Variants in DNM3 observed in about 807,000 individuals in gnomAD.
DNM3 encodes the protein dynamin 3.
A neutral mutation model predicts 101.6 loss-of-function variants in DNM3; 47 were observed. That is an observed-to-expected ratio of 0.46 (90% confidence interval 0.37 to 0.59). The LOEUF is 0.59. DNM3 is among the 20% of genes least tolerant of loss of function. DNM3 has a pLI of 0.00. For missense variants in DNM3, 849 were observed against 1,085.7 expected (o/e 0.78, Z 3.06); for synonymous variants, 385 against 387.9 (o/e 0.99, Z 0.09).
intron 14 of DNM3, among the ~76,000 whole-genome samples, chr1:172,239,942 G>T (rs2061689531): frequency 1.3e-5 from 2 of 151,574 alleles, no homozygotes; most frequent in African/African-American, 4.8e-5. Flanking sequence ...GCCAGTAGTG[G>T]TGCACAGACC....
chr1:172,010,027 A>G (rs1252587963), intron 4 of DNM3, among the ~76,000 whole-genome samples: 2 of 151,830 alleles, frequency 1.3e-5, no homozygotes, highest in African/African-American at 2.4e-5. Flanking sequence ...GAAACTTTCA[A>G]TCTCTGCCTT....
chr1:172,193,824 T>A (rs145221923), intron 14 of DNM3, among the ~76,000 whole-genome samples: 1,578 of 152,274 alleles, frequency 0.01, 16 homozygotes, highest in African/African-American at 0.036. Context: ...CCTGGATTCA[T>A]TGATTTTTTG....
intron 1 of DNM3, among the ~76,000 whole-genome samples, chr1:171,885,366 C>T (rs1336189667): frequency 6.6e-6 from 1 of 152,044 alleles, no homozygotes; most frequent in African/African-American, 2.4e-5. Flanking sequence ...TTATGTTGTA[C>T]TTTTATTTTT....
At chr1:172,377,546 TATATATC>T in intron 17 of DNM3, among the ~76,000 whole-genome samples, 1 of 89,440 alleles carries the variant, frequency 1.1e-5, no homozygotes, top group African/African-American at 4.1e-5. Context: ...CTCTCATTGA[TATATATC>T]ATATATATAT....
chr1:172,258,978 A>G (rs192591137), intron 15 of DNM3, among the ~76,000 whole-genome samples: 279 of 150,776 alleles, frequency 1.9e-3, no homozygotes, highest in Middle Eastern at 3.5e-3. Flanking sequence ...AAATTTTTAA[A>G]TTTTCTCCTT....
In DNM3 at chr1:172,372,865, G is replaced by A. The variant is rs376432669; in HGVS notation, c.1894-6153G>A. ...TGCCTGGCTAATTTTTAAATTTTTTGTAGAGACCAGGTTTCATCATGTTGC... is the reference window on the plus strand; with the variant it reads ...TGCCTGGCTAATTTTTAAATTTTTTATAGAGACCAGGTTTCATCATGTTGC... On this transcript the variant is annotated intron_variant, in intron 17 of 20. Coordinates refer to ENST00000627582, the MANE Select transcript of DNM3 (RefSeq NM_015569.5). Among the ~76,000 whole-genome samples the A allele has an allele frequency of 9.9e-5, 15 of 151,390 alleles. No individual in the cohort carries two copies. In the East Asian group the frequency reaches 2.2e-3, roughly 22 times the overall value.
intron 14 of DNM3, among the ~76,000 whole-genome samples, chr1:172,167,485 G>A (rs2058793550): frequency 6.6e-6 from 1 of 152,012 alleles, no homozygotes; most frequent in Admixed American, 6.6e-5. Flanking sequence ...GATCCTTGAG[G>A]AGTCACCACA....
chr1:172,108,584 T>C (rs1004500133), intron 13 of DNM3, among the ~76,000 whole-genome samples: 1 of 152,320 alleles, frequency 6.6e-6, no homozygotes, highest in South Asian at 2.1e-4. Flanking sequence ...ATGTGGAGCA[T>C]TCACTAATTA....
intron 14 of DNM3, among the ~76,000 whole-genome samples, chr1:172,163,792 G>T (rs1280679320): frequency 6.6e-6 from 1 of 151,848 alleles, no homozygotes; most frequent in African/African-American, 2.4e-5. Context: ...AGGTTCATCC[G>T]CATGGTCACA....
chr1:172,078,407 T>A (rs1360499779), intron 11 of DNM3, among the ~76,000 whole-genome samples: 1 of 152,100 alleles, frequency 6.6e-6, no homozygotes, highest in Non-Finnish European at 1.5e-5. Context: ...TTTGTTGGTT[T>A]AAAGTAGGTT....
At chr1:172,134,120 G>C (rs2148102583) in intron 14 of DNM3, among the ~76,000 whole-genome samples, 1 of 152,274 alleles carries the variant, frequency 6.6e-6, no homozygotes, top group East Asian at 1.9e-4. Context: ...CATGGTCCAG[G>C]CAAGAGAGGA....
At chr1:172,292,951 A>G (rs973897104) in intron 15 of DNM3, among the ~76,000 whole-genome samples, 1 of 152,182 alleles carries the variant, frequency 6.6e-6, no homozygotes, top group Non-Finnish European at 1.5e-5. Flanking sequence ...GGCTTTCAGA[A>G]TAGGAGACGT....
At chr1:172,097,113 GA>G (rs1438346883) in intron 13 of DNM3, among the ~76,000 whole-genome samples, 1 of 151,944 alleles carries the variant, frequency 6.6e-6, no homozygotes, top group Admixed American at 6.6e-5. Flanking sequence ...AGAAGGTGCT[GA>G]TTTAGGGCCG....
chr1:172,245,104 G>A (rs1267598191), intron 14 of DNM3, among the ~76,000 whole-genome samples: 1 of 152,098 alleles, frequency 6.6e-6, no homozygotes, highest in African/African-American at 2.4e-5. Flanking sequence ...TTCAGCAAGT[G>A]TTTGCTGAAT....
chr1:171,941,503 A>G (rs1049493937), intron 2 of DNM3, among the ~76,000 whole-genome samples: 5 of 152,196 alleles, frequency 3.3e-5, no homozygotes, highest in African/African-American at 1.2e-4. Context: ...TTTAGAAGTC[A>G]GGCCTGGAGA....
chr1:171,965,518 T>C (rs571950958), intron 2 of DNM3, among the ~76,000 whole-genome samples: 6 of 150,024 alleles, frequency 4.0e-5, no homozygotes, highest in Non-Finnish European at 7.4e-5. Context: ...TGTTCCACTG[T>C]AAAGCCTGGA....
intron 15 of DNM3, among the ~76,000 whole-genome samples, chr1:172,302,754 C>G (rs915848160): frequency 6.6e-6 from 1 of 152,074 alleles, no homozygotes; most frequent in African/African-American, 2.4e-5. Flanking sequence ...GAGTGGACCT[C>G]CAGCAAACTC....
intron 15 of DNM3, among the ~76,000 whole-genome samples, chr1:172,292,338 A>C (rs549874373): frequency 6.6e-6 from 1 of 152,228 alleles, no homozygotes; most frequent in African/African-American, 2.4e-5. Context: ...GCAGGTGTTC[A>C]TGGTCTTTAA....
At position 172,409,486 on chromosome 1, in the gene DNM3, ATACAAGATT is replaced by A; in HGVS notation, c.*1650_*1658del. Reference sequence around the variant, plus strand: ...ATTTATAATTGGTAAAAATCAGAAAATACAAGATTTACATAAAGGTCATTTCAACTTTTA... The same window carrying A: ...ATTTATAATTGGTAAAAATCAGAAAATACATAAAGGTCATTTCAACTTTTA... On this transcript the variant is annotated 3_prime_UTR_variant, in exon 21 of 21. Coordinates refer to ENST00000627582, the MANE Select transcript of DNM3 (RefSeq NM_015569.5). The A allele has an allele frequency of 2.0e-6, 2 of 984,404 alleles. No individual in the cohort carries two copies. Among genetic ancestry groups the A allele is most frequent in the Non-Finnish European group, 2.4e-6 (2 of 829,018 alleles). The allele number at this position is 984,404 out of a possible 1,614,324, so 61.0% of individuals were successfully genotyped here. A position where few individuals can be genotyped will look rare whatever the true frequency, so the allele number is the denominator to read the frequency against.
Sources: allele counts gnomAD v4.1 joint callset (sites outside exome capture counted in the v4.1 genomes callset), GRCh38; gene constraint gnomAD v4.1.1; transcripts MANE v1.5; gene names NCBI Gene and HGNC (gene_info 2026-07-23, HGNC 2026-07-21).